LPP: variants seen among roughly 807,000 people sequenced by gnomAD.
LPP encodes LIM domain containing preferred translocation partner in lipoma, also known as lipoma-preferred partner.
LPP carries 38 observed loss-of-function variants against 60.4 expected under a neutral mutation model. That is an observed-to-expected ratio of 0.63 (90% confidence interval 0.49 to 0.83). The LOEUF (loss-of-function observed/expected upper bound fraction) is 0.83. Among genes scored for constraint, LPP ranks in the 40% least tolerant of loss-of-function variants. The pLI, the probability that LPP is intolerant of heterozygous loss-of-function variation, is 0.00. For synonymous variants in LPP, 328 were observed against 290.8 expected (o/e 1.13, Z -1.30); for missense variants, 902 against 783.6 (o/e 1.15, Z -1.80).
chr3:188,527,370 A>C (rs1412360587), intron 6 of LPP, among the ~76,000 whole-genome samples: 4 of 143,730 alleles, frequency 2.8e-5, no homozygotes, highest in African/African-American at 5.1e-5. Context: ...AAAAAAAAAA[A>C]GAGAGAATAT....
intron 4 of LPP, among the ~76,000 whole-genome samples, chr3:188,422,421 C>T (rs530687314): frequency 6.6e-6 from 1 of 152,202 alleles, no homozygotes; most frequent in East Asian, 1.9e-4. Flanking sequence ...GCTTTTATGT[C>T]TTTGCTAGAA....
intron 6 of LPP, among the ~76,000 whole-genome samples, chr3:188,542,613 ATATAT>A (rs1825516422): frequency 6.6e-6 from 1 of 152,244 alleles, no homozygotes; most frequent in Non-Finnish European, 1.5e-5. Flanking sequence ...AAACATAAAC[ATATAT>A]TATGAATTTT....
chr3:188,837,688 C>G (rs138045411), intron 9 of LPP, among the ~76,000 whole-genome samples: 8 of 152,040 alleles, frequency 5.3e-5, no homozygotes, highest in East Asian at 1.9e-4. Context: ...TTTTTTAAAG[C>G]CTGAACCTTG....
At chr3:188,401,706 A>C (rs990005644) in intron 3 of LPP, among the ~76,000 whole-genome samples, 1 of 152,202 alleles carries the variant, frequency 6.6e-6, no homozygotes, top group African/African-American at 2.4e-5. Context: ...TAGCCCCTGG[A>C]ATTATAAAAT....
intron 9 of LPP, among the ~76,000 whole-genome samples, chr3:188,778,186 A>G (rs1738436726): frequency 6.6e-6 from 1 of 152,208 alleles, no homozygotes; most frequent in South Asian, 2.1e-4. Flanking sequence ...AAGAACACCC[A>G]TGTTTTCAAA....
intron 7 of LPP, among the ~76,000 whole-genome samples, chr3:188,691,484 A>G (rs1862113332): frequency 6.6e-6 from 1 of 152,208 alleles, no homozygotes; most frequent in African/African-American, 2.4e-5. Flanking sequence ...GTAATAATAA[A>G]AAGGTGGATG....
At chr3:188,798,398 A>G (rs1746019097) in intron 9 of LPP, among the ~76,000 whole-genome samples, 1 of 152,330 alleles carries the variant, frequency 6.6e-6, no homozygotes, top group East Asian at 1.9e-4. Flanking sequence ...TCATAAATCT[A>G]GCCCACTCTA....
At chr3:188,478,542 G>T (rs1030686084) in intron 4 of LPP, among the ~76,000 whole-genome samples, 1 of 151,950 alleles carries the variant, frequency 6.6e-6, no homozygotes, top group African/African-American at 2.4e-5. Context: ...TGTGTTAGCT[G>T]CTTTGATCCA....
intron 3 of LPP, among the ~76,000 whole-genome samples, chr3:188,343,406 T>G (rs1016060877): frequency 6.6e-6 from 1 of 152,228 alleles, no homozygotes; most frequent in African/African-American, 2.4e-5. Context: ...AAAAACTTAT[T>G]TCTAATGTTT....
rs540153412 is a variant in LPP at position 188,343,795 on chromosome 3, A to G, written c.-10+2076A>G. ...TAACCTTTGGGAGGTGGAGAAGTAAATAGTCTGGGAGCATGCTGTAGAAAT... is the reference window on the plus strand; with the variant it reads ...TAACCTTTGGGAGGTGGAGAAGTAAGTAGTCTGGGAGCATGCTGTAGAAAT... On this transcript the variant is annotated intron_variant, in intron 3 of 11. Coordinates refer to ENST00000617246, the MANE Select transcript of LPP (RefSeq NM_001375462.1). Among the ~76,000 whole-genome samples the G allele has an allele frequency of 2.0e-5, 3 of 152,336 alleles. No individual in the cohort carries two copies. In the East Asian group the frequency reaches 5.8e-4, roughly 29 times the overall value.
chr3:188,754,285 G>C (rs1030027148), intron 8 of LPP, among the ~76,000 whole-genome samples: 1 of 152,112 alleles, frequency 6.6e-6, no homozygotes, highest in Admixed American at 6.5e-5. Context: ...AGCTGATTCT[G>C]CTCATGTATA....
In LPP at chr3:188,881,139, C is replaced by CAAAAAAAAAAAAAAAAAAA. The variant is rs11328247; in HGVS notation, c.*6661_*6679dup. ...TGGGCGAAAGAGCGAGACTCCGTCT[C>CAAAAAAAAAAAAAAAAAAA]AAAAAAAAAAAAAAAAAAATAGGAT... On this transcript the variant is annotated 3_prime_UTR_variant, in exon 12 of 12. Transcript: ENST00000617246. The CAAAAAAAAAAAAAAAAAAA allele has an allele frequency of 0.036, 2,636 of 72,364 alleles. 323 individuals carry two copies. Among genetic ancestry groups the CAAAAAAAAAAAAAAAAAAA allele is most frequent in the South Asian group, 0.055 (97 of 1,772 alleles). The allele number at this position is 72,364 out of a possible 1,614,324, so 4.5% of individuals were successfully genotyped here. A position where few individuals can be genotyped will look rare whatever the true frequency, so the allele number is the denominator to read the frequency against.
intron 6 of LPP, among the ~76,000 whole-genome samples, chr3:188,586,446 G>A (rs1485979525): frequency 1.3e-5 from 2 of 152,168 alleles, no homozygotes; most frequent in Admixed American, 1.3e-4. Flanking sequence ...TGTGGACCAT[G>A]TTTAATTGAT....
intron 4 of LPP, among the ~76,000 whole-genome samples, chr3:188,459,626 A>G (rs1798538446): frequency 6.6e-6 from 1 of 152,198 alleles, no homozygotes; most frequent in Admixed American, 6.5e-5. Context: ...ACTTTCCAAA[A>G]TAATTCTCTA....
intron 9 of LPP, among the ~76,000 whole-genome samples, chr3:188,858,017 G>A (rs1764251437): frequency 6.6e-6 from 1 of 152,138 alleles, no homozygotes; most frequent in Non-Finnish European, 1.5e-5. Context: ...TCACAACACT[G>A]CAATGTAGAC....
At chr3:188,178,449 T>A (rs1378557298) in intron 1 of LPP, 2 of 152,268 alleles carry the variant, frequency 1.3e-5, no homozygotes, top group Non-Finnish European at 2.9e-5. Flanking sequence ...TTGCAAGATC[T>A]TGGAATCTCT....
chr3:188,241,001 A>T (rs1724441090), intron 2 of LPP, among the ~76,000 whole-genome samples: 1 of 152,202 alleles, frequency 6.6e-6, no homozygotes, highest in Admixed American at 6.5e-5. Context: ...GTTACGGGGT[A>T]TGTATGCATA....
chr3:188,473,247 T>A (rs2149541912), intron 4 of LPP, among the ~76,000 whole-genome samples: 1 of 152,314 alleles, frequency 6.6e-6, no homozygotes, highest in African/African-American at 2.4e-5. Flanking sequence ...ATAACCACGG[T>A]AGAGTTACCA....
chr3:188,573,560 T>A (rs1833973427), intron 6 of LPP, among the ~76,000 whole-genome samples: 1 of 152,124 alleles, frequency 6.6e-6, no homozygotes, highest in African/African-American at 2.4e-5. Context: ...TTTGACTTAT[T>A]TAACCTTTCT....
Sources: gnomAD v4.1 joint callset for allele counts (sites outside exome capture counted in the v4.1 genomes callset) on GRCh38, gnomAD v4.1.1 for gene constraint, MANE v1.5 for transcripts, NCBI Gene and HGNC (gene_info 2026-07-23, HGNC 2026-07-21) for gene names.